FKBP6: variants seen among roughly 807,000 people sequenced by gnomAD.
The protein encoded by FKBP6 is FKBP prolyl isomerase family member 6 (inactive).
In FKBP6, 29 loss-of-function variants were observed where a neutral mutation model predicts 41.7. That is an observed-to-expected ratio of 0.70 (90% CI 0.52 to 0.95). The LOEUF (loss-of-function observed/expected upper bound fraction) is 0.95, where lower values mean the gene tolerates loss of function less well. Among genes scored for constraint, FKBP6 ranks in the 40% least tolerant of loss-of-function variants. The probability of loss-of-function intolerance (pLI) is 0.00; values close to 1 mark genes in which losing one functional copy is unlikely to be tolerated. For synonymous variants in FKBP6, 130 were observed against 165.1 expected, an observed-to-expected ratio of 0.79 and a Z score of 1.63; for missense variants, 338 against 408.7, an observed-to-expected ratio of 0.83 and a Z score of 1.49.
chr7:73,347,680 T>C (rs1554550470), intron 8 of FKBP6, among the ~76,000 whole-genome samples: 1 of 152,242 alleles, frequency 6.6e-6, no homozygotes, highest in African/African-American at 2.4e-5. Context: ...AGTCTCGCTC[T>C]GTCACCCAGG....
chr7:73,336,073 C>T (rs1430264298), intron 5 of FKBP6, among the ~76,000 whole-genome samples: 5 of 152,106 alleles, frequency 3.3e-5, no homozygotes, highest in Non-Finnish European at 7.4e-5. Flanking sequence ...TTAAATGCAG[C>T]TCCAACAGCT....
intron 5 of FKBP6, 67 bp downstream of exon 5, chr7:73,331,843 AT>A: frequency 6.6e-7 from 1 of 1,519,334 alleles, no homozygotes; most frequent in Non-Finnish European, 9.1e-7. Context: ...AAAAACACAG[AT>A]TTTGTTTTGT....
At chr7:73,334,698 T>G (rs1804950321) in intron 5 of FKBP6, among the ~76,000 whole-genome samples, 1 of 152,230 alleles carries the variant, frequency 6.6e-6, no homozygotes, top group Admixed American at 6.5e-5. Context: ...CATGTGTATA[T>G]TATTTTATAT....
At chr7:73,337,604 G>A (rs1307126522) in intron 5 of FKBP6, among the ~76,000 whole-genome samples, 2 of 152,220 alleles carry the variant, frequency 1.3e-5, no homozygotes, top group Admixed American at 6.5e-5. Flanking sequence ...GTGAGCCATC[G>A]TGTCCGGCCT....
At chr7:73,329,237 CG>C (rs1406372558) in intron 2 of FKBP6, 122 bp from the exon 3 acceptor site, 6 of 783,160 alleles carry the variant, frequency 7.7e-6, no homozygotes, top group Non-Finnish European at 1.4e-5. Flanking sequence ...TCCTGTACCT[CG>C]GGGTGTCGGG....
chr7:73,357,866 TA>T (rs1277491339), intron 8 of FKBP6, among the ~76,000 whole-genome samples: 2 of 151,500 alleles, frequency 1.3e-5, no homozygotes, highest in Non-Finnish European at 2.9e-5. Flanking sequence ...TGCGTGCCTG[TA>T]ATCCCAGCTA....
At chr7:73,343,702 A>C (rs1449077288) in intron 8 of FKBP6, among the ~76,000 whole-genome samples, 1 of 152,190 alleles carries the variant, frequency 6.6e-6, no homozygotes, top group South Asian at 2.1e-4. Context: ...ATAACCCTCC[A>C]GTCTGAACCC....
intron 5 of FKBP6, among the ~76,000 whole-genome samples, chr7:73,335,780 A>G (rs1247128406): frequency 6.6e-6 from 1 of 151,840 alleles, no homozygotes; most frequent in Non-Finnish European, 1.5e-5. Flanking sequence ...ACTGCCACCC[A>G]CCCTGAACCT....
chr7:73,351,852 C>G (rs1055461110), intron 8 of FKBP6, among the ~76,000 whole-genome samples: 5 of 152,172 alleles, frequency 3.3e-5, no homozygotes, highest in Admixed American at 6.6e-5. Flanking sequence ...CTTTATGATT[C>G]ATGATGGGGT....
intron 8 of FKBP6, among the ~76,000 whole-genome samples, chr7:73,352,530 C>CT (rs1805519528): frequency 1.3e-5 from 2 of 152,184 alleles, no homozygotes; most frequent in African/African-American, 2.4e-5. Flanking sequence ...GCTTTGCTGG[C>CT]TGACCCCCAT....
intron 8 of FKBP6, among the ~76,000 whole-genome samples, chr7:73,344,249 C>T (rs915439713): frequency 2.0e-5 from 3 of 152,220 alleles, no homozygotes; most frequent in Non-Finnish European, 4.4e-5. Context: ...CAGGGTCCAT[C>T]CCAGACAAGG....
rs1477386825 is a variant in FKBP6 at position 73,342,185 on chromosome 7, T to A, written c.894-622T>A. 2.6e-5 allele frequency among the ~76,000 whole-genome samples: 4 copies of A among 152,112 alleles called. No individual in the cohort carries two copies. In the East Asian group the frequency reaches 7.7e-4, roughly 29 times the overall value. ...ATGTAATTTTTTCTCATTATAGAAG[T>A]TTTGTGTCCATTGTAGAAAACCTTG... is the stretch of plus-strand genomic sequence containing the variant. On this transcript the variant is annotated intron_variant, in intron 7 of 8. Coordinates refer to ENST00000252037, the MANE Select transcript of FKBP6 (RefSeq NM_003602.5).
rs782603085 is a variant in FKBP6, at chr7:73,329,215, GAGA to G, written c.176-141_176-139del. Reference sequence around the variant, plus strand: ...AAAGGGCCGGCACCCAAAATGCAGAGAGAAGATTTATTCCTGTACCTCGGGGTG... The same window carrying G: ...AAAGGGCCGGCACCCAAAATGCAGAGAGATTTATTCCTGTACCTCGGGGTG... On this transcript the variant is annotated intron_variant, in intron 2 of 8. Coordinates refer to ENST00000252037, the MANE Select transcript of FKBP6 (RefSeq NM_003602.5). 2.4e-4 allele frequency: 182 copies of G among 755,194 alleles called. 2 individuals are homozygous for G. Among genetic ancestry groups the G allele is most frequent in the South Asian group, 1.8e-3 (129 of 71,928 alleles). The allele number at this position is 755,194 out of a possible 1,614,324, so 46.8% of individuals were successfully genotyped here. A position where few individuals can be genotyped will look rare whatever the true frequency, so the allele number is the denominator to read the frequency against.
chr7:73,340,817 C>G lies in FKBP6; in HGVS notation c.768C>G (p.Leu256=), dbSNP rs1554549383. The G allele has an allele frequency of 6.2e-7, 1 of 1,613,576 alleles. No individual in the cohort carries two copies. Among genetic ancestry groups the G allele is most frequent in the South Asian group, 1.1e-5 (1 of 91,054 alleles). The part of the protein sequence containing the change: ...LIIDQKNAKA[L]FRCGQACLLL... ...TTGACCAAAAGAATGCCAAGGCCCT[C>G]TTCAGGTGTGGACAGGTGAGTTGGA... is the stretch of plus-strand genomic sequence containing the variant. Residue 256 remains leucine, a synonymous_variant, in exon 6 of 9, where the codon CTC becomes CTG. Coordinates refer to ENST00000252037, the MANE Select transcript of FKBP6 (RefSeq NM_003602.5).
At position 73,328,684 on chromosome 7, in the gene FKBP6, C is replaced by T. The variant is rs782539241; in HGVS notation, c.167C>T (p.Ser56Leu). Residue 56 changes from serine to leucine, a missense_variant, in exon 2 of 9, where the codon TCG becomes TTG. This residue lies in a region of FKBP6 where 99 missense variants were observed against 158.6 expected (regional missense o/e 0.62). Coordinates refer to ENST00000252037, the MANE Select transcript of FKBP6 (RefSeq NM_003602.5). Reference protein sequence around the residue: ...GAGDLVAPDASVLVKYSGYLE... With the variant: ...GAGDLVAPDALVLVKYSGYLE... The stretch of plus-strand genomic sequence containing the variant: ...GGAGACCTAGTGGCGCCTGATGCTT[C>T]GGTGCTAGGTACGCCCTGGGGCGGT... The T allele has an allele frequency of 5.0e-6, 8 of 1,611,774 alleles. No individual in the cohort carries two copies. Among genetic ancestry groups the T allele is most frequent in the Non-Finnish European group, 6.8e-6 (8 of 1,179,850 alleles).
intron 8 of FKBP6, among the ~76,000 whole-genome samples, chr7:73,351,484 G>A (rs541192346): frequency 6.6e-6 from 1 of 152,140 alleles, no homozygotes. Context: ...CAGGCAAACT[G>A]TGTGACCTGG....
chr7:73,331,128 G>T (rs1554547621), intron 4 of FKBP6, among the ~76,000 whole-genome samples: 2 of 152,218 alleles, frequency 1.3e-5, no homozygotes, highest in African/African-American at 4.8e-5. Flanking sequence ...GATCTGGGGG[G>T]TGGGGCCGGG....
At chr7:73,353,668 A>G (rs1430682155) in intron 8 of FKBP6, among the ~76,000 whole-genome samples, 1 of 152,136 alleles carries the variant, frequency 6.6e-6, no homozygotes, top group Non-Finnish European at 1.5e-5. Flanking sequence ...CCATTTTTCC[A>G]ACAGCATGTG....
chr7:73,352,516 G>C (rs565429196), intron 8 of FKBP6, among the ~76,000 whole-genome samples: 2 of 152,110 alleles, frequency 1.3e-5, no homozygotes, highest in Non-Finnish European at 2.9e-5. Flanking sequence ...ATGAGTCCCC[G>C]CCAGCTTTGC....
Sources: allele counts gnomAD v4.1 joint callset (sites outside exome capture counted in the v4.1 genomes callset), GRCh38; gene constraint gnomAD v4.1.1; regional missense constraint gnomAD v4.1.1; transcripts MANE v1.5; gene names NCBI Gene and HGNC (gene_info 2026-07-23, HGNC 2026-07-21).